ITFG1: variants seen among roughly 807,000 people sequenced by gnomAD.
ITFG1 encodes the protein integrin alpha FG-GAP repeat containing 1, also known as T-cell immunomodulatory protein.
ITFG1 carries 34 observed loss-of-function variants against 81.8 expected under a neutral mutation model. The ratio of observed to expected loss-of-function variants is 0.42; its 90% CI spans 0.32 to 0.55. ITFG1 has a LOEUF of 0.55. Among genes scored for constraint, ITFG1 ranks in the 20% least tolerant of loss-of-function variants. The pLI, the probability that ITFG1 is intolerant of heterozygous loss-of-function variation, is 0.17. For missense variants in ITFG1, 672 were observed against 755.4 expected (o/e 0.89, Z 1.29); for synonymous variants, 285 against 270.6 (o/e 1.05, Z -0.52).
intron 10 of ITFG1, among the ~76,000 whole-genome samples, chr16:47,307,955 G>A (rs1441470720): frequency 6.6e-6 from 1 of 152,126 alleles, no homozygotes; most frequent in Non-Finnish European, 1.5e-5. Flanking sequence ...CTGCATCCAT[G>A]TTGCTGTAAA....
intron 6 of ITFG1, among the ~76,000 whole-genome samples, chr16:47,427,737 T>C (rs1969041695): frequency 6.6e-6 from 1 of 152,198 alleles, no homozygotes; most frequent in Non-Finnish European, 1.5e-5. Flanking sequence ...ACAGATGGTT[T>C]CTCTACTTCG....
intron 10 of ITFG1, among the ~76,000 whole-genome samples, chr16:47,278,950 A>G (rs2151549326): frequency 6.6e-6 from 1 of 152,344 alleles, no homozygotes; most frequent in Middle Eastern, 3.4e-3. Context: ...AACATTCATA[A>G]AAAATTAGGA....
chr16:47,222,809 G>C (rs1355275282), intron 13 of ITFG1, among the ~76,000 whole-genome samples: 2 of 152,226 alleles, frequency 1.3e-5, no homozygotes, highest in Non-Finnish European at 2.9e-5. Flanking sequence ...TTGCTGAAGA[G>C]AGCTTTACTT....
intron 10 of ITFG1, among the ~76,000 whole-genome samples, chr16:47,293,341 A>G (rs1966936846): frequency 6.6e-6 from 1 of 151,780 alleles, no homozygotes; most frequent in Non-Finnish European, 1.5e-5. Flanking sequence ...GTTTTGGTAT[A>G]ATGATTTATT....
intron 13 of ITFG1, among the ~76,000 whole-genome samples, chr16:47,236,276 C>G (rs1965872303): frequency 6.6e-6 from 1 of 151,946 alleles, no homozygotes; most frequent in South Asian, 2.1e-4. Context: ...GAGATCGAGA[C>G]CATCCTGGCT....
chr16:47,227,481 T>C (rs1965770394), intron 13 of ITFG1, among the ~76,000 whole-genome samples: 2 of 152,190 alleles, frequency 1.3e-5, no homozygotes, highest in Admixed American at 6.5e-5. Context: ...TTTCTCATTC[T>C]AGGATGTGTC....
At chr16:47,358,389 T>C (rs1470812809) in intron 8 of ITFG1, among the ~76,000 whole-genome samples, 2 of 152,208 alleles carry the variant, frequency 1.3e-5, no homozygotes, top group Admixed American at 1.3e-4. Context: ...TCTATTTAAA[T>C]GCTAAATAAC....
intron 8 of ITFG1, chr16:47,317,851 CT>C (rs1006538417): frequency 6.6e-6 from 1 of 152,186 alleles, no homozygotes; most frequent in African/African-American, 2.4e-5. Context: ...GTATCCCTTC[CT>C]TTTGAACACT....
intron 6 of ITFG1, among the ~76,000 whole-genome samples, chr16:47,390,063 A>G (rs1968511276): frequency 6.6e-6 from 1 of 152,230 alleles, no homozygotes; most frequent in African/African-American, 2.4e-5. Flanking sequence ...AGCCATTTTC[A>G]GGTCCATGAA....
At chr16:47,432,908 AG>A in intron 5 of ITFG1, among the ~76,000 whole-genome samples, 1 of 152,316 alleles carries the variant, frequency 6.6e-6, no homozygotes, top group Non-Finnish European at 1.5e-5. Flanking sequence ...TTCTCTGACA[AG>A]TTTAACCCAA....
intron 8 of ITFG1, among the ~76,000 whole-genome samples, chr16:47,348,195 A>G (rs971100374): frequency 6.6e-6 from 1 of 152,244 alleles, no homozygotes; most frequent in African/African-American, 2.4e-5. Context: ...CCAGCAACGG[A>G]ACAAAGCTGG....
At chr16:47,281,816 CA>C in intron 10 of ITFG1, among the ~76,000 whole-genome samples, 1 of 151,662 alleles carries the variant, frequency 6.6e-6, no homozygotes, top group Non-Finnish European at 1.5e-5. Context: ...TGATATTTTC[CA>C]AAAACCAGCT....
chr16:47,167,037 G>T (rs1964899401), intron 14 of ITFG1, among the ~76,000 whole-genome samples: 1 of 152,090 alleles, frequency 6.6e-6, no homozygotes, highest in Non-Finnish European at 1.5e-5. Context: ...TTGCAATGTT[G>T]TGCAACTATC....
rs143031477 is a variant in ITFG1 at position 47,255,911 on chromosome 16, C to T, written c.1330+2721G>A. ...TTAAAATAAATGAAGACTAAAAATA[C>T]GCTGCTTTTCACCAAGAAGGATGAT... On this transcript the variant is annotated intron_variant, in intron 12 of 17. Coordinates refer to ENST00000320640, the MANE Select transcript of ITFG1 (RefSeq NM_030790.5). Among the ~76,000 whole-genome samples, 231 of 152,108 alleles carry T rather than the reference C, an allele frequency of 1.5e-3. 1 individual carries two copies. Among genetic ancestry groups the T allele is most frequent in the African/African-American group, 4.9e-3 (202 of 41,482 alleles).
chr16:47,174,511 T>A (rs144042933), intron 14 of ITFG1, among the ~76,000 whole-genome samples: 323 of 152,296 alleles, frequency 2.1e-3, no homozygotes, highest in East Asian at 0.013. Flanking sequence ...GAATTCTATT[T>A]CTCTGAAAGG....
At chr16:47,342,825 A>G (rs529013765) in intron 8 of ITFG1, among the ~76,000 whole-genome samples, 2 of 152,290 alleles carry the variant, frequency 1.3e-5, no homozygotes, top group East Asian at 3.9e-4. Flanking sequence ...TGTAAACTAT[A>G]TAACATTCCT....
At chr16:47,158,092 T>G (rs1477416495) in intron 17 of ITFG1, among the ~76,000 whole-genome samples, 1 of 152,152 alleles carries the variant, frequency 6.6e-6, no homozygotes, top group African/African-American at 2.4e-5. Flanking sequence ...AAAAGATGTT[T>G]ATGGCTTTTT....
At chr16:47,211,499 T>C (rs539750174) in intron 14 of ITFG1, among the ~76,000 whole-genome samples, 1 of 152,326 alleles carries the variant, frequency 6.6e-6, no homozygotes, top group African/African-American at 2.4e-5. Flanking sequence ...TTCTTTGCTT[T>C]CAACTTGGTT....
At chr16:47,338,941 G>A (rs796855785) in intron 8 of ITFG1, among the ~76,000 whole-genome samples, 8 of 152,084 alleles carry the variant, frequency 5.3e-5, no homozygotes, top group South Asian at 2.1e-4. Flanking sequence ...ATTAACCATC[G>A]CCACTTCCCT....
Sources: allele counts gnomAD v4.1 joint callset (sites outside exome capture counted in the v4.1 genomes callset), GRCh38; gene constraint gnomAD v4.1.1; transcripts MANE v1.5; gene names NCBI Gene and HGNC (gene_info 2026-07-23, HGNC 2026-07-21).